Variants in ARHGAP5 observed in about 807,000 individuals in gnomAD.
The protein encoded by ARHGAP5 is rho GTPase-activating protein 5.
ARHGAP5 carries 23 observed loss-of-function variants against 116.6 expected under a neutral mutation model. That is an observed-to-expected ratio of 0.20 (90% CI 0.14 to 0.28). The LOEUF (loss-of-function observed/expected upper bound fraction) is 0.28. ARHGAP5 is among the 10% of genes least tolerant of loss of function. ARHGAP5 has a pLI of 1.00. For missense variants in ARHGAP5, 1,405 were observed against 1,774.8 expected (o/e 0.79, Z 3.74); for synonymous variants, 574 against 602.0 (o/e 0.95, Z 0.68).
intron 1 of ARHGAP5, among the ~76,000 whole-genome samples, chr14:32,084,714 A>G (rs1432326105): frequency 6.6e-6 from 1 of 152,194 alleles, no homozygotes. Flanking sequence ...AGACTAATTC[A>G]TAGGAATAAT....
At chr14:32,079,844 T>C (rs568897829) in intron 1 of ARHGAP5, among the ~76,000 whole-genome samples, 1 of 152,172 alleles carries the variant, frequency 6.6e-6, no homozygotes, top group African/African-American at 2.4e-5. Context: ...TTGGGTTGTA[T>C]GGTCCACAGT....
chr14:32,147,439 ATATT>A (rs1302698157), intron 4 of ARHGAP5, among the ~76,000 whole-genome samples: 1 of 152,236 alleles, frequency 6.6e-6, no homozygotes, highest in Non-Finnish European at 1.5e-5. Flanking sequence ...TTAAAGGATT[ATATT>A]TATTTGTTTT....
chr14:32,119,054 CAT>C (rs973473646), intron 3 of ARHGAP5, among the ~76,000 whole-genome samples: 6 of 152,174 alleles, frequency 3.9e-5, no homozygotes, highest in Admixed American at 3.9e-4. Context: ...AGAAAGATAA[CAT>C]AGACTGTAGA....
In ARHGAP5 at chr14:32,091,932, G is replaced by C. The variant is rs1215173533; in HGVS notation, c.1263G>C (p.Leu421=). The change falls in exon 2 of 7, where the codon CTG becomes CTC. Residue 421 remains leucine, a synonymous_variant. Transcript: ENST00000345122. ...TCTATCAGAACCATGTACAGCATCT[G>C]ATATCCGAGAAGAGGAGGGTGGAAA... ...EKVYQNHVQH[L]ISEKRRVEMK... is the part of the protein sequence containing the mutation. The C allele has an allele frequency of 7.4e-6, 12 of 1,613,556 alleles. No individual in the cohort carries two copies. The East Asian group carries it at 2.2e-4, about 30-fold the overall frequency.
At position 32,093,556 on chromosome 14, in the gene ARHGAP5, G is replaced by C. The variant is rs1878371869; in HGVS notation, c.2887G>C (p.Asp963His). 1.2e-6 allele frequency: 2 copies of C among 1,613,806 alleles called. No individual in the cohort carries two copies. Among genetic ancestry groups the C allele is most frequent in the East Asian group, 2.2e-5 (1 of 44,880 alleles). Residue 963 changes from aspartate (D) to histidine (H), a missense_variant, in exon 2 of 7, where the codon GAT (aspartate) becomes CAT (histidine). Asp to His is a moderately conservative substitution (Grantham distance 81, BLOSUM62 -1). This residue lies in a region of ARHGAP5 where 944 missense variants were observed against 1,095.3 expected (regional missense o/e 0.86). Coordinates refer to ENST00000345122, the MANE Select transcript of ARHGAP5 (RefSeq NM_001030055.2). ...AAGGGAATCAACCCATCAAAGTGAA[G>C]ATGTTTTTCTACCATCTCCCAGAGA... is the stretch of plus-strand genomic sequence containing the variant. The part of the protein sequence containing the change: ...NTRESTHQSE[D>H]VFLPSPRDCF...
chr14:32,114,242 T>C (rs1042942015), intron 2 of ARHGAP5, among the ~76,000 whole-genome samples: 1 of 149,392 alleles, frequency 6.7e-6, no homozygotes, highest in Non-Finnish European at 1.5e-5. Context: ...AAAAAAAAAA[T>C]CTACCCAAGT....
intron 3 of ARHGAP5, among the ~76,000 whole-genome samples, chr14:32,137,983 A>AC (rs1444164594): frequency 1.3e-5 from 2 of 151,866 alleles, no homozygotes; most frequent in Admixed American, 6.6e-5. Context: ...AAAAAAAAAA[A>AC]AAAAAAAATT....
intron 3 of ARHGAP5, among the ~76,000 whole-genome samples, chr14:32,123,991 G>A (rs190619935): frequency 1.8e-4 from 28 of 152,248 alleles, no homozygotes; most frequent in Admixed American, 1.4e-3. Context: ...TTCAACCAAA[G>A]AACCCAGAGA....
At chr14:32,117,961 A>G (rs1483905913) in intron 3 of ARHGAP5, among the ~76,000 whole-genome samples, 2 of 152,216 alleles carry the variant, frequency 1.3e-5, no homozygotes, top group Non-Finnish European at 2.9e-5. Context: ...TTAACCATGA[A>G]ACCTTAGTGA....
At chr14:32,100,238 T>G (rs185553686) in intron 2 of ARHGAP5, among the ~76,000 whole-genome samples, 12 of 152,346 alleles carry the variant, frequency 7.9e-5, no homozygotes, top group South Asian at 2.1e-4. Flanking sequence ...TCTTGCTGTG[T>G]TGCCCAGGCT....
At chr14:32,094,893 C>T (rs1878444286) in intron 2 of ARHGAP5, among the ~76,000 whole-genome samples, 1 of 152,174 alleles carries the variant, frequency 6.6e-6, no homozygotes, top group Non-Finnish European at 1.5e-5. Context: ...TTGCAGAATT[C>T]TAAACAAATA....
chr14:32,092,519 A>G lies in ARHGAP5; in HGVS notation c.1850A>G (p.Gln617Arg). 2 of 1,614,028 alleles carry G rather than the reference A, an allele frequency of 1.2e-6. No individual in the cohort carries two copies. The highest frequency in any genetic ancestry group is 1.7e-6 in the Non-Finnish European group (2 of 1,179,900). Residue 617 changes from glutamine to arginine, a missense_variant, in exon 2 of 7, where the codon CAA becomes CGA. This residue lies in a region of ARHGAP5 where 944 missense variants were observed against 1,095.3 expected (regional missense o/e 0.86). Transcript: ENST00000345122. This position sits in a 1 kb window ranked among gnomAD's most constrained non-coding sequence, Gnocchi z 4.1. Reference protein sequence around the residue: ...AQELANEIRTQSTDDEYALDG... With the variant: ...AQELANEIRTRSTDDEYALDG... ...GAACTAGCAAATGAGATAAGGACACAATCCACTGATGATGAGTATGCCTTA... is the reference window on the plus strand; with the variant it reads ...GAACTAGCAAATGAGATAAGGACACGATCCACTGATGATGAGTATGCCTTA...
In ARHGAP5 at chr14:32,093,951, C is replaced by G. The variant is rs1379269349; in HGVS notation, c.3282C>G (p.Pro1094=). Residue 1094 remains proline, a synonymous_variant, in exon 2 of 7, where the codon CCC becomes CCG. Transcript: ENST00000345122. The stretch of plus-strand genomic sequence containing the variant: ...ATCCTTCAGATAACTATGCGGAACC[C>G]ATTGATACAATTTTCAAACAGAAGG... ...DMDPSDNYAE[P]IDTIFKQKGY... The G allele has an allele frequency of 6.2e-7, 1 of 1,613,894 alleles. No homozygotes were observed. The highest frequency in any genetic ancestry group is 8.5e-7 in the Non-Finnish European group (1 of 1,179,968).
chr14:32,134,441 C>CA (rs1198089766), intron 3 of ARHGAP5, among the ~76,000 whole-genome samples: 2 of 152,122 alleles, frequency 1.3e-5, no homozygotes, highest in Non-Finnish European at 2.9e-5. Flanking sequence ...AGTATCACCG[C>CA]AAAAAACTCT....
intron 3 of ARHGAP5, among the ~76,000 whole-genome samples, chr14:32,131,283 T>C (rs976371393): frequency 6.6e-6 from 1 of 150,986 alleles, no homozygotes; most frequent in Admixed American, 6.6e-5. Context: ...TTTGTCTTTA[T>C]TTTATTTTAT....
chr14:32,087,992 T>G (rs990137892), intron 1 of ARHGAP5, among the ~76,000 whole-genome samples: 4 of 152,076 alleles, frequency 2.6e-5, no homozygotes, highest in Non-Finnish European at 5.9e-5. Flanking sequence ...CTTTTGTTTC[T>G]GAAACCTTAA....
chr14:32,143,236 G>A (rs868582045), intron 3 of ARHGAP5, among the ~76,000 whole-genome samples: 3,484 of 143,486 alleles, frequency 0.024, 154 homozygotes, highest in African/African-American at 0.093. Flanking sequence ...TGTTGTTGTT[G>A]TTGTTATTAT....
intron 1 of ARHGAP5, among the ~76,000 whole-genome samples, chr14:32,077,837 C>A (rs566647221): frequency 6.6e-6 from 1 of 152,216 alleles, no homozygotes; most frequent in Non-Finnish European, 1.5e-5. Context: ...CGGGTTGCTG[C>A]TGTTAACGAG....
At chr14:32,142,126 A>G (rs906661367) in intron 3 of ARHGAP5, among the ~76,000 whole-genome samples, 2 of 152,112 alleles carry the variant, frequency 1.3e-5, no homozygotes, top group African/African-American at 4.8e-5. Flanking sequence ...ATGTATTGAT[A>G]TTCAGTTCGT....
Sources: allele counts gnomAD v4.1 joint callset (sites outside exome capture counted in the v4.1 genomes callset), GRCh38; gene constraint gnomAD v4.1.1; regional missense constraint gnomAD v4.1.1; non-coding constraint Gnocchi (gnomAD v3.1); transcripts MANE v1.5; gene names NCBI Gene and HGNC (gene_info 2026-07-23, HGNC 2026-07-21).